Variants in CLYBL observed in about 807,000 individuals in gnomAD.
CLYBL encodes citramalyl-CoA lyase, also known as citramalyl-CoA lyase, mitochondrial.
Under a neutral mutation model 38.9 loss-of-function variants are expected in CLYBL, and 31 were observed. The ratio of observed to expected loss-of-function variants is 0.80; its 90% CI spans 0.60 to 1.08. The LOEUF (loss-of-function observed/expected upper bound fraction) is 1.08, where lower values mean the gene tolerates loss of function less well. CLYBL is among the 50% of genes least tolerant of loss of function. CLYBL has a pLI of 0.00. For synonymous variants in CLYBL, 171 were observed against 158.6 expected (o/e 1.08, Z -0.59); for missense variants, 434 against 411.6 (o/e 1.05, Z -0.47).
chr13:99,904,170 A>G (rs1844128509), intron 8 of CLYBL, among the ~76,000 whole-genome samples: 2 of 152,184 alleles, frequency 1.3e-5, no homozygotes, highest in African/African-American at 4.8e-5. Context: ...TGATATTAGA[A>G]TTATTTCTTG....
chr13:99,805,364 C>T (rs2050211900), intron 2 of CLYBL, among the ~76,000 whole-genome samples: 2 of 151,982 alleles, frequency 1.3e-5, no homozygotes, highest in Admixed American at 1.3e-4. Flanking sequence ...ACTTTAAAAA[C>T]CTATATGTTA....
intron 1 of CLYBL, among the ~76,000 whole-genome samples, chr13:99,670,134 G>A (rs1352913526): frequency 6.6e-6 from 1 of 152,102 alleles, no homozygotes; most frequent in Non-Finnish European, 1.5e-5. Flanking sequence ...GGGAGGCGGA[G>A]GTTGCAGTGA....
At chr13:99,854,644 C>A (rs550251617) in intron 2 of CLYBL, among the ~76,000 whole-genome samples, 6 of 152,232 alleles carry the variant, frequency 3.9e-5, no homozygotes, top group Admixed American at 3.3e-4. Context: ...CAGATTTGAT[C>A]ATTCTGAGCT....
At chr13:99,707,680 T>C (rs1487871535) in intron 1 of CLYBL, among the ~76,000 whole-genome samples, 1 of 152,158 alleles carries the variant, frequency 6.6e-6, no homozygotes, top group East Asian at 1.9e-4. Context: ...TAATGACAGT[T>C]AGTCATGTTG....
chr13:99,633,371 C>T (rs995099192), intron 1 of CLYBL, among the ~76,000 whole-genome samples: 1 of 151,706 alleles, frequency 6.6e-6, no homozygotes, highest in Non-Finnish European at 1.5e-5. Context: ...AAAACCCCGT[C>T]TCTACTAAAA....
At position 99,704,644 on chromosome 13, in the gene CLYBL, A is replaced by C. The variant is rs565399368; in HGVS notation, c.63-68180A>C. 3.0e-4 allele frequency among the ~76,000 whole-genome samples: 46 copies of C among 152,340 alleles called. 1 individual carries two copies. Among genetic ancestry groups the C allele is most frequent in the African/African-American group, 7.2e-5 (3 of 41,576 alleles). ...ATGAGCCAGGTGCTCGACTGTGTAC[A>C]AACTTAGAAGAACCAGGTGCACACG... On this transcript the variant is annotated intron_variant, in intron 1 of 8. Coordinates refer to ENST00000339105, the MANE Select transcript of CLYBL (RefSeq NM_206808.5).
At chr13:99,710,292 C>T (rs1354682870) in intron 1 of CLYBL, among the ~76,000 whole-genome samples, 1 of 152,132 alleles carries the variant, frequency 6.6e-6, no homozygotes, top group African/African-American at 2.4e-5. Context: ...CAGTGTTTCT[C>T]CATCCTCTCC....
intron 7 of CLYBL, among the ~76,000 whole-genome samples, chr13:99,885,275 T>G (rs1300405205): frequency 1.3e-5 from 2 of 152,036 alleles, no homozygotes; most frequent in Non-Finnish European, 2.9e-5. Flanking sequence ...TTCACAGAGG[T>G]GACACCTTGA....
At chr13:99,793,538 C>T (rs1566329510) in intron 2 of CLYBL, among the ~76,000 whole-genome samples, 1 of 152,036 alleles carries the variant, frequency 6.6e-6, no homozygotes, top group Non-Finnish European at 1.5e-5. Flanking sequence ...TCTCTTCATA[C>T]CCTTAAATAA....
intron 1 of CLYBL, among the ~76,000 whole-genome samples, chr13:99,720,044 A>G (rs1329773488): frequency 3.9e-5 from 6 of 151,904 alleles, no homozygotes; most frequent in African/African-American, 7.2e-5. Flanking sequence ...TATGCTGTTT[A>G]CTTACTGTAT....
At chr13:99,636,121 A>C (rs1455382730) in intron 1 of CLYBL, among the ~76,000 whole-genome samples, 1 of 152,134 alleles carries the variant, frequency 6.6e-6, no homozygotes, top group Non-Finnish European at 1.5e-5. Flanking sequence ...GTGGAATTTC[A>C]CGTAATGTGA....
chr13:99,864,009 CAACT>C (rs2051676789), intron 4 of CLYBL, among the ~76,000 whole-genome samples: 2 of 152,214 alleles, frequency 1.3e-5, no homozygotes, highest in African/African-American at 4.8e-5. Flanking sequence ...CTTGTTTACA[CAACT>C]AACCATACAT....
chr13:99,679,677 C>T (rs955486162), intron 1 of CLYBL, among the ~76,000 whole-genome samples: 3 of 151,948 alleles, frequency 2.0e-5, no homozygotes, highest in Non-Finnish European at 4.4e-5. Flanking sequence ...TAATGAGTAA[C>T]CACAATCCAC....
chr13:99,867,274 T>A (rs2051771332), intron 6 of CLYBL, among the ~76,000 whole-genome samples: 1 of 152,196 alleles, frequency 6.6e-6, no homozygotes, highest in Non-Finnish European at 1.5e-5. Context: ...GAGACGAGCA[T>A]CCTGATATTC....
intron 1 of CLYBL, among the ~76,000 whole-genome samples, chr13:99,613,178 G>A (rs953795498): frequency 1.3e-5 from 2 of 151,970 alleles, no homozygotes; most frequent in African/African-American, 4.8e-5. Flanking sequence ...GTTTTCTAAA[G>A]TATTCATAGT....
At chr13:99,904,705 A>G (rs983490016) in intron 8 of CLYBL, among the ~76,000 whole-genome samples, 1 of 152,236 alleles carries the variant, frequency 6.6e-6, no homozygotes, top group Admixed American at 6.5e-5. Flanking sequence ...CTTAAAGCAT[A>G]TAAGTAAAAA....
intron 2 of CLYBL, among the ~76,000 whole-genome samples, chr13:99,855,969 A>G (rs2139186827): frequency 6.6e-6 from 1 of 152,312 alleles, no homozygotes; most frequent in East Asian, 1.9e-4. Context: ...TTGGAAATGT[A>G]CAGAATGATG....
At chr13:99,829,403 C>T (rs1374068305) in intron 2 of CLYBL, among the ~76,000 whole-genome samples, 2 of 152,206 alleles carry the variant, frequency 1.3e-5, no homozygotes, top group Non-Finnish European at 2.9e-5. Flanking sequence ...GATCCGCCAT[C>T]TGGGGCTTTT....
intron 1 of CLYBL, among the ~76,000 whole-genome samples, chr13:99,667,353 A>C (rs900990649): frequency 2.6e-5 from 4 of 151,640 alleles, no homozygotes; most frequent in Non-Finnish European, 4.4e-5. Flanking sequence ...TGCAACAGCC[A>C]CGGTTTCCCC....
Sources: gnomAD v4.1 joint callset for allele counts (sites outside exome capture counted in the v4.1 genomes callset) on GRCh38, gnomAD v4.1.1 for gene constraint, MANE v1.5 for transcripts, NCBI Gene and HGNC (gene_info 2026-07-23, HGNC 2026-07-21) for gene names.